The following USP45 variants were observed in gnomAD, a reference collection of about 807,000 sequenced individuals.
The protein encoded by USP45 is ubiquitin carboxyl-terminal hydrolase 45.
A neutral mutation model predicts 95.8 loss-of-function variants in USP45; 89 were observed. That is an observed-to-expected ratio of 0.93 (90% CI 0.78 to 1.11). The LOEUF is 1.11. Ranked by LOEUF, USP45 falls within the 50% of genes least tolerant of loss-of-function variation. The probability of loss-of-function intolerance (pLI) is 0.00; values close to 1 mark genes in which losing one functional copy is unlikely to be tolerated. For missense variants in USP45, 898 were observed against 942.5 expected, an observed-to-expected ratio of 0.95 and a Z score of 0.62; for synonymous variants, 281 against 316.2, an observed-to-expected ratio of 0.89 and a Z score of 1.18.
chr6:99,492,230 A>C (rs1182909704), intron 5 of USP45, among the ~76,000 whole-genome samples: 1 of 152,150 alleles, frequency 6.6e-6, no homozygotes, highest in Non-Finnish European at 1.5e-5. Flanking sequence ...GGGACGACAA[A>C]TGTCAAACCA....
chr6:99,483,449 T>C (rs949030826), intron 7 of USP45, among the ~76,000 whole-genome samples: 1 of 152,102 alleles, frequency 6.6e-6, no homozygotes, highest in Non-Finnish European at 1.5e-5. Flanking sequence ...CCCCTCGAAA[T>C]CTGGTTTCTA....
chr6:99,462,477 GC>G, intron 13 of USP45: 8 of 983,890 alleles, frequency 8.1e-6, no homozygotes, highest in Non-Finnish European at 9.7e-6. Context: ...AATAACCAGT[GC>G]TTTTTAGGGG....
At chr6:99,465,165 A>C (rs184302084) in intron 11 of USP45, 29 bp from the exon 12 acceptor site, 13 of 1,555,258 alleles carry the variant, frequency 8.4e-6, no homozygotes, top group Admixed American at 1.8e-5. Flanking sequence ...TGAAAACTTC[A>C]GTTAGAATTC....
chr6:99,453,735 G>C (rs955941021), intron 13 of USP45, among the ~76,000 whole-genome samples: 1 of 152,100 alleles, frequency 6.6e-6, no homozygotes, highest in South Asian at 2.1e-4. Flanking sequence ...GAGGTAGATA[G>C]ATCAACTAAG....
At chr6:99,486,049 G>T (rs989468194) in intron 7 of USP45, among the ~76,000 whole-genome samples, 9 of 152,178 alleles carry the variant, frequency 5.9e-5, no homozygotes, top group African/African-American at 1.9e-4. Flanking sequence ...CTGAATGTTT[G>T]TTCCCCTAAT....
rs1278633986 is a variant in USP45, at chr6:99,503,837, T to C, written c.406A>G (p.Thr136Ala). 1.9e-6 allele frequency: 3 copies of C among 1,594,498 alleles called. No homozygotes were observed. The highest frequency in any genetic ancestry group is 2.6e-6 in the Non-Finnish European group (3 of 1,171,684). ...WCYECDEKLS[T>A]HCNKKVLAQI... ...GCCAAAACCTTCTTATTACAATGCGTTGATAATTTTTCATCACATTCATAA... is the reference window on the plus strand; with the variant it reads ...GCCAAAACCTTCTTATTACAATGCGCTGATAATTTTTCATCACATTCATAA... The change falls in exon 5 of 18, where the codon ACG becomes GCG. Residue 136 changes from threonine (T) to alanine (A), a missense_variant. Physicochemically the swap from Thr to Ala is moderately conservative, Grantham distance 58. Coordinates refer to ENST00000500704, the MANE Select transcript of USP45 (RefSeq NM_001346022.3).
upstream of USP45, among the ~76,000 whole-genome samples, chr6:99,516,507 G>A (rs1222493532): frequency 6.6e-6 from 1 of 152,192 alleles, no homozygotes; most frequent in Non-Finnish European, 1.5e-5. Context: ...TACATGTGGA[G>A]AACTTGGCAA....
intron 13 of USP45, among the ~76,000 whole-genome samples, chr6:99,456,585 C>A (rs1301780128): frequency 6.6e-6 from 1 of 152,152 alleles, no homozygotes; most frequent in Non-Finnish European, 1.5e-5. Flanking sequence ...AAACATAAAT[C>A]ATAAAGATTG....
intron 2 of USP45, 146 bp downstream of exon 2, chr6:99,509,975 A>C (rs867980702): frequency 3.6e-5 from 23 of 633,622 alleles, no homozygotes; most frequent in Middle Eastern, 6.6e-4. Context: ...CACGCATCCC[A>C]AGAATAGTGT....
chr6:99,432,395 T>G lies in USP45; in HGVS notation c.*3321A>C, dbSNP rs1310722794. 1 of 151,766 alleles carries G rather than the reference T, an allele frequency of 6.6e-6. No homozygotes were observed. The highest frequency in any genetic ancestry group is 1.5e-5 in the Non-Finnish European group (1 of 68,042). 9.4% of individuals were successfully genotyped at this position (151,766 alleles called of 1,614,324 possible). A position where few individuals can be genotyped will look rare whatever the true frequency, so the allele number is the denominator to read the frequency against. ...AAGCAAATGCATTGTTGATAAAACA[T>G]TCTGTCAATAACGTAAACTGTGAAA... On this transcript the variant is annotated 3_prime_UTR_variant, in exon 18 of 18. Transcript: ENST00000500704.
intron 11 of USP45, among the ~76,000 whole-genome samples, chr6:99,466,186 T>C (rs1787923802): frequency 1.3e-5 from 2 of 152,000 alleles, no homozygotes; most frequent in South Asian, 2.1e-4. Context: ...TGGCTAATTG[T>C]TTTGTATTTT....
intron 1 of USP45, among the ~76,000 whole-genome samples, chr6:99,513,583 T>C (rs934767275): frequency 2.0e-5 from 3 of 152,218 alleles, no homozygotes; most frequent in African/African-American, 7.2e-5. Flanking sequence ...TTGATAAAGA[T>C]GAGCATTAAC....
At chr6:99,487,603 C>T (rs1382465623) in intron 7 of USP45, among the ~76,000 whole-genome samples, 1 of 125,524 alleles carries the variant, frequency 8.0e-6, no homozygotes, top group African/African-American at 3.1e-5. Context: ...TCCTGGCTAA[C>T]ATGGTGAAAC....
Position 99,436,178 on chromosome 6 carries a change from G to A in USP45, c.2315-332C>T, listed in dbSNP as rs377471829. 2.6e-5 allele frequency among the ~76,000 whole-genome samples: 4 copies of A among 151,706 alleles called. No homozygotes were observed. In the East Asian group the frequency reaches 5.8e-4, roughly 22 times the overall value. The stretch of plus-strand genomic sequence containing the variant: ...GCCCCCCTCCCCCGACAGGCCCAGT[G>A]TGTGATGTTCCCCTCCCTGTGTCCA... On this transcript the variant is annotated intron_variant, in intron 17 of 17. Coordinates refer to ENST00000500704, the MANE Select transcript of USP45 (RefSeq NM_001346022.3).
chr6:99,446,246 T>G lies in USP45; in HGVS notation c.1526A>C (p.Glu509Ala). The change falls in exon 14 of 18, where the codon GAA becomes GCA. Residue 509 changes from glutamate (E) to alanine (A), a missense_variant. Transcript: ENST00000500704. ...AGTCTGCTTTGAAGCACTTTCAGAT[T>G]CTGAAGGCTCACTGTCAGCATCAAC... ...SNVDADSEPSESESASKQTGL... is the reference protein window; with the variant it reads ...SNVDADSEPSASESASKQTGL... 8.7e-6 allele frequency: 14 copies of G among 1,614,170 alleles called. No homozygotes were observed. The highest frequency in any genetic ancestry group is 1.2e-5 in the Non-Finnish European group (14 of 1,180,016).
intron 17 of USP45, 126 bp downstream of exon 17, chr6:99,437,120 T>C (rs79266830): frequency 1.1e-4 from 78 of 727,192 alleles, no homozygotes; most frequent in Admixed American, 5.0e-4. Flanking sequence ...ATCAATCAAT[T>C]AAGTTAAAAT....
chr6:99,485,195 A>AAAT lies in USP45; in HGVS notation c.715-2313_715-2312insATT, dbSNP rs10684766. ...AAATACAAAAAAAAAAAAAAAAAAAATTAGCTGGGTGTGGTGGCACGCATC... is the reference window on the plus strand; with the variant it reads ...AAATACAAAAAAAAAAAAAAAAAAAAAATTTAGCTGGGTGTGGTGGCACGCATC... On this transcript the variant is annotated intron_variant, in intron 7 of 17. Transcript: ENST00000500704. Among the ~76,000 whole-genome samples, 3 of 149,594 alleles carry AAAT rather than the reference A, an allele frequency of 2.0e-5. No homozygotes were observed. The East Asian group carries it at 5.8e-4, about 29-fold the overall frequency.
chr6:99,464,541 G>C lies in USP45; in HGVS notation c.1308+63C>G. The C allele has an allele frequency of 2.0e-6, 3 of 1,538,048 alleles. No homozygotes were observed. In the South Asian group the frequency reaches 3.7e-5, roughly 19 times the overall value. ...CACTATGTTCTCTACTTTTAGATGT[G>C]CTTGAAACTTTTGTTAATAAACTGT... On this transcript the variant is annotated intron_variant, in intron 13 of 17. Transcript: ENST00000500704.
chr6:99,489,756 G>A (rs1442849089), intron 5 of USP45, among the ~76,000 whole-genome samples: 3 of 152,030 alleles, frequency 2.0e-5, no homozygotes, highest in Non-Finnish European at 2.9e-5. Context: ...AGACCAGCCT[G>A]GCCAAGATGG....
Sources: gnomAD v4.1 joint callset for allele counts (sites outside exome capture counted in the v4.1 genomes callset) on GRCh38, gnomAD v4.1.1 for gene constraint, MANE v1.5 for transcripts, NCBI Gene and HGNC (gene_info 2026-07-23, HGNC 2026-07-21) for gene names.